SNX25: variants seen among roughly 807,000 people sequenced by gnomAD.
The protein encoded by SNX25 is sorting nexin 25.
Under a neutral mutation model 113.7 loss-of-function variants are expected in SNX25, and 62 were observed. The ratio of observed to expected loss-of-function variants is 0.55; its 90% CI spans 0.44 to 0.67. The LOEUF (loss-of-function observed/expected upper bound fraction) is 0.67. Among genes scored for constraint, SNX25 ranks in the 30% least tolerant of loss-of-function variants. The pLI is 0.00. For missense variants in SNX25, 1,014 were observed against 1,161.0 expected (o/e 0.87, Z 1.84); for synonymous variants, 421 against 436.2 (o/e 0.97, Z 0.43).
Position 185,210,252 on chromosome 4 carries a change from G to A in SNX25, c.426G>A (p.Pro142=). The change falls in exon 1 of 19, where the codon CCG becomes CCA. Residue 142 remains proline, a synonymous_variant. Coordinates refer to ENST00000652585, the MANE Select transcript of SNX25 (RefSeq NM_001378034.2). The surrounding 1 kb of genome is among the most constrained non-coding windows in gnomAD (Gnocchi z 4.4). The part of the protein sequence containing the change: ...LAATSAARRP[P]GSPVYGNSHE... ...CGACCTCAGCCGCCCGCCGCCCGCCGGGGGTAAGTACCCGACTCCTGGCCG... is the reference window on the plus strand; with the variant it reads ...CGACCTCAGCCGCCCGCCGCCCGCCAGGGGTAAGTACCCGACTCCTGGCCG... 2 of 985,006 alleles carry A rather than the reference G, an allele frequency of 2.0e-6. No homozygotes were observed. The highest frequency in any genetic ancestry group is 2.4e-6 in the Non-Finnish European group (2 of 830,106). The allele number at this position is 985,006 out of a possible 1,614,324, so 61.0% of individuals were successfully genotyped here.
intron 16 of SNX25, among the ~76,000 whole-genome samples, chr4:185,359,832 T>C (rs1579928210): frequency 6.6e-6 from 1 of 152,202 alleles, no homozygotes; most frequent in Non-Finnish European, 1.5e-5. Context: ...ATGTTGTGAG[T>C]GGTGCATACA....
chr4:185,365,716 ATCT>A (rs2095385865), downstream of SNX25: 1 of 150,648 alleles, frequency 6.6e-6, no homozygotes, highest in African/African-American at 2.4e-5. Context: ...AATAATAATA[ATCT>A]TTAGGAACTG....
rs983893096 is a variant in SNX25 at position 185,242,604 on chromosome 4, A to G, written c.430-4690A>G. ...TATGGGGGAGGGGTGCGGAGCTTTC[A>G]TGCCCTCCCTGGGCACCACCCTCCA... On this transcript the variant is annotated intron_variant, in intron 1 of 18. Transcript: ENST00000652585. Among the ~76,000 whole-genome samples the G allele has an allele frequency of 4.6e-5, 7 of 152,350 alleles. No individual in the cohort carries two copies. In the East Asian group the frequency reaches 1.3e-3, roughly 29 times the overall value.
At chr4:185,293,144 G>C (rs1323424792) in intron 6 of SNX25, among the ~76,000 whole-genome samples, 1 of 152,172 alleles carries the variant, frequency 6.6e-6, no homozygotes, top group African/African-American at 2.4e-5. Flanking sequence ...AAGTGAAAGA[G>C]ATAAGAACTG....
rs765830740 is a variant in SNX25 at position 185,288,011 on chromosome 4, G to A, written c.1092-1G>A. ...TTTTCTTTTCTCTTTTTAAAAATCA[G>A]GTATCAAATTGTAGTGGAAATAATC... On this transcript the variant is annotated splice_acceptor_variant, in intron 5 of 18. Transcript: ENST00000652585. LOFTEE classifies it high-confidence loss of function. 10 of 1,606,166 alleles carry A rather than the reference G, an allele frequency of 6.2e-6. No homozygotes were observed. The highest frequency in any genetic ancestry group is 7.6e-6 in the Non-Finnish European group (9 of 1,176,534).
intron 9 of SNX25, among the ~76,000 whole-genome samples, chr4:185,329,452 A>C (rs527468563): frequency 6.6e-6 from 1 of 152,224 alleles, no homozygotes; most frequent in Admixed American, 6.5e-5. Flanking sequence ...CTCTTTCCTA[A>C]AGAGGACGGT....
chr4:185,317,884 A>G (rs1216449638), intron 7 of SNX25, among the ~76,000 whole-genome samples: 5 of 152,172 alleles, frequency 3.3e-5, no homozygotes, highest in Admixed American at 1.3e-4. Context: ...GCAAACCACC[A>G]TGGCACATGT....
chr4:185,245,463 G>A (rs1456271543), intron 1 of SNX25, among the ~76,000 whole-genome samples: 3 of 151,862 alleles, frequency 2.0e-5, no homozygotes, highest in South Asian at 2.1e-4. Flanking sequence ...TCAGCCTGCC[G>A]AGTAGCTGGG....
Position 185,362,104 on chromosome 4 carries a change from AG to A in SNX25, c.2833+1del. ...AGCAAAAGCTGCTTGAAAACATTCCAGGTGAGGCCTGGGCTATTAGCCTGAA... is the reference window on the plus strand; with the variant it reads ...AGCAAAAGCTGCTTGAAAACATTCCAGTGAGGCCTGGGCTATTAGCCTGAA... ...AQQKLLENIP[D>X]MLQSLVGQQN... On this transcript the variant is annotated frameshift_variant and splice_region_variant, in exon 17 of 19. Transcript: ENST00000652585. LOFTEE classifies it high-confidence loss of function. 6.2e-7 allele frequency: 1 copy of A among 1,610,234 alleles called. No homozygotes were observed. Among genetic ancestry groups the A allele is most frequent in the Non-Finnish European group, 8.5e-7 (1 of 1,177,722 alleles).
chr4:185,258,378 T>G (rs1746753127), intron 2 of SNX25, among the ~76,000 whole-genome samples: 1 of 152,176 alleles, frequency 6.6e-6, no homozygotes, highest in Non-Finnish European at 1.5e-5. Context: ...CCCTTCCTCC[T>G]CCAGTTGCCC....
At chr4:185,212,491 G>GTGTTTGTTTTTT (rs546083196) in intron 1 of SNX25, among the ~76,000 whole-genome samples, 2 of 104,938 alleles carry the variant, frequency 1.9e-5, no homozygotes, top group Non-Finnish European at 1.9e-5. Flanking sequence ...GTGTGTGTGT[G>GTGTTTGTTTTTT]TTTTTTTTTT....
chr4:185,236,098 A>G (rs1742586624), intron 1 of SNX25, among the ~76,000 whole-genome samples: 1 of 152,240 alleles, frequency 6.6e-6, no homozygotes, highest in Non-Finnish European at 1.5e-5. Flanking sequence ...AAACTTATCT[A>G]GATAAACTCC....
At chr4:185,345,221 C>A (rs2095279803) in intron 12 of SNX25, among the ~76,000 whole-genome samples, 1 of 152,158 alleles carries the variant, frequency 6.6e-6, no homozygotes, top group Non-Finnish European at 1.5e-5. Context: ...CCTGCCCTTT[C>A]CTACGGTGTG....
chr4:185,328,479 GA>G (rs544247742), intron 9 of SNX25, among the ~76,000 whole-genome samples: 1 of 152,080 alleles, frequency 6.6e-6, no homozygotes, highest in Non-Finnish European at 1.5e-5. Flanking sequence ...AGTTGACTAG[GA>G]AAAAACCTTT....
intron 5 of SNX25, among the ~76,000 whole-genome samples, chr4:185,273,384 C>T (rs1749223500): frequency 6.6e-6 from 1 of 152,206 alleles, no homozygotes; most frequent in Non-Finnish European, 1.5e-5. Flanking sequence ...GGGATCCTCC[C>T]TCCTGCCTCA....
At chr4:185,212,491 G>GTGTGTTTCTGTTTTT (rs546083196) in intron 1 of SNX25, among the ~76,000 whole-genome samples, 2 of 104,944 alleles carry the variant, frequency 1.9e-5, no homozygotes, top group African/African-American at 7.4e-5. Context: ...GTGTGTGTGT[G>GTGTGTTTCTGTTTTT]TTTTTTTTTT....
chr4:185,370,483 T>C (rs751112264), downstream of SNX25, among the ~76,000 whole-genome samples: 1 of 152,214 alleles, frequency 6.6e-6, no homozygotes, highest in African/African-American at 2.4e-5. Context: ...CAGAATTGTC[T>C]GCAAACAATC....
At chr4:185,356,140 G>A (rs1303582246) in intron 15 of SNX25, among the ~76,000 whole-genome samples, 1 of 151,098 alleles carries the variant, frequency 6.6e-6, no homozygotes, top group Non-Finnish European at 1.5e-5. Context: ...GGAGTAATGG[G>A]GCTCGCGTGT....
intron 5 of SNX25, among the ~76,000 whole-genome samples, chr4:185,282,528 T>C (rs1328355591): frequency 6.6e-6 from 1 of 152,122 alleles, no homozygotes; most frequent in African/African-American, 2.4e-5. Flanking sequence ...TTCAGTGAGT[T>C]TGAGATTGTT....
Sources: gnomAD v4.1 joint callset for allele counts (sites outside exome capture counted in the v4.1 genomes callset) on GRCh38, gnomAD v4.1.1 for gene constraint, Gnocchi (gnomAD v3.1) non-coding constraint, MANE v1.5 for transcripts, NCBI Gene and HGNC (gene_info 2026-07-23, HGNC 2026-07-21) for gene names.